The following RBM41 variants were observed in gnomAD, a reference collection of about 807,000 sequenced individuals.
RBM41 encodes the protein RNA-binding protein 41.
RBM41 carries 14 observed loss-of-function variants against 30.8 expected under a neutral mutation model. The ratio of observed to expected loss-of-function variants is 0.45; its 90% confidence interval spans 0.30 to 0.71. RBM41 has a LOEUF of 0.71. Among genes scored for constraint, RBM41 ranks in the 30% least tolerant of loss-of-function variants. The pLI is 0.08. For missense variants in RBM41, 276 were observed against 326.3 expected (o/e 0.85, Z 1.19); for synonymous variants, 120 against 110.1 (o/e 1.09, Z -0.56).
rs747725710 is a variant in RBM41 at position 107,067,562 on chromosome X, C to T, written c.1279G>A (p.Ala427Thr). 4.1e-6 allele frequency: 5 copies of T among 1,210,072 alleles called. No individual in the cohort carries two copies. The highest frequency in any genetic ancestry group is 5.6e-6 in the Non-Finnish European group (5 of 894,534). The stretch of plus-strand genomic sequence containing the variant: ...CTAATTTCTGTAGTGCTACCTGTAG[C>T]ACATGATATGAGAGAAGTCGCTTGG... The part of the protein sequence containing the change: ...NLQATSLISC[A>T]TGSTTEISGS The change falls in exon 8 of 8, where the codon GCT (alanine) becomes ACT (threonine). Residue 427 changes from alanine (A) to threonine (T), a missense_variant. Physicochemically the swap from Ala to Thr is moderately conservative, Grantham distance 58. Transcript: ENST00000685964.
At chrX:107,083,141 GTCTT>G (rs1266052642) in intron 6 of RBM41, among the ~76,000 whole-genome samples, 9 of 103,213 alleles carry the variant, frequency 8.7e-5, no homozygotes, top group Admixed American at 5.3e-4. Flanking sequence ...GTCTGAGAAA[GTCTT>G]TATTATTTTT....
intron 5 of RBM41, among the ~76,000 whole-genome samples, chrX:107,104,116 C>T (rs1306121007): frequency 9.1e-6 from 1 of 109,654 alleles, no homozygotes; most frequent in Non-Finnish European, 1.9e-5. Flanking sequence ...GGTTGTTAAA[C>T]ATTTACCAGT....
At chrX:107,075,417 T>A (rs1157451458) in intron 6 of RBM41, among the ~76,000 whole-genome samples, 1 of 111,551 alleles carries the variant, frequency 9.0e-6, no homozygotes, top group African/African-American at 3.3e-5. Flanking sequence ...TGGGACTGCA[T>A]CAAACTAAAA....
Position 107,064,900 on chromosome X carries a change from T to C in RBM41, c.*2627A>G, listed in dbSNP as rs982922618. ...TTCCAACTCTTTTTATGGACTTATC[T>C]GTTTCTCCTTTCCTTTCAGTTTTTG... On this transcript the variant is annotated 3_prime_UTR_variant, in exon 8 of 8. Transcript: ENST00000685964. The C allele has an allele frequency of 2.7e-5, 3 of 111,862 alleles. No homozygotes were observed. Among genetic ancestry groups the C allele is most frequent in the African/African-American group, 9.7e-5 (3 of 30,806 alleles). The allele number at this position is 111,862 out of a possible 1,213,427, so 9.2% of individuals were successfully genotyped here.
Position 107,088,715 on chromosome X carries a change from G to A in RBM41, c.720C>T (p.His240=). 8.3e-7 allele frequency: 1 copy of A among 1,211,612 alleles called. No individual in the cohort carries two copies. Among genetic ancestry groups the A allele is most frequent in the Non-Finnish European group, 1.1e-6 (1 of 895,498 alleles). ...QLMRGEPFAS[H]SLVSATSVGD... ...CCACTGATGTAGCTGAGACCAGTGA[G>A]TGGGAAGCAAAGGGTTCACCTCTCA... The change falls in exon 6 of 8, where the codon CAC becomes CAT. Residue 240 remains histidine (H), a synonymous_variant. Transcript: ENST00000685964.
Position 107,069,262 on chromosome X carries a change from G to T in RBM41, c.1140C>A (p.Thr380=), listed in dbSNP as rs746086330. The change falls in exon 7 of 8, where the codon ACC becomes ACA. Residue 380 remains threonine, a synonymous_variant. Transcript: ENST00000685964. ...TGRMRGQAFI[T]FPNKEIAWQA... Reference sequence around the variant, plus strand: ...CTGGATGAAACTACTTACTGGGAAAGGTGATAAAAGCCTGGCCCCTCATTC... The same window carrying T: ...CTGGATGAAACTACTTACTGGGAAATGTGATAAAAGCCTGGCCCCTCATTC... The T allele has an allele frequency of 5.0e-6, 6 of 1,203,479 alleles. No individual in the cohort carries two copies. The highest frequency in any genetic ancestry group is 6.7e-6 in the Non-Finnish European group (6 of 891,745).
chrX:107,053,293 T>C, the RBM41 span, among the ~76,000 whole-genome samples: 1 of 113,441 alleles, frequency 8.8e-6, no homozygotes, highest in Non-Finnish European at 1.9e-5. Context: ...TGAAGAGCCA[T>C]TCAAACAATG....
chrX:107,095,575 G>A (rs1285712169), intron 5 of RBM41, among the ~76,000 whole-genome samples: 1 of 106,580 alleles, frequency 9.4e-6, no homozygotes, highest in Admixed American at 1.0e-4. Flanking sequence ...CAGCCTGGGT[G>A]ACCAAGCAAG....
intron 4 of RBM41, chrX:107,114,177 G>A (rs1924714687): frequency 9.0e-6 from 1 of 111,181 alleles, no homozygotes; most frequent in Admixed American, 9.5e-5. Flanking sequence ...AGTTTTATTA[G>A]TTCTTCCATT....
intron 5 of RBM41, among the ~76,000 whole-genome samples, chrX:107,099,130 T>C (rs1484300174): frequency 1.8e-5 from 2 of 111,934 alleles, no homozygotes; most frequent in African/African-American, 6.5e-5. Context: ...AATGATAAAC[T>C]ACAGAATTGG....
chrX:107,112,217 C>T (rs1682042), intron 5 of RBM41, among the ~76,000 whole-genome samples: 5,983 of 111,188 alleles, frequency 0.054, 402 homozygotes, highest in African/African-American at 0.19. Flanking sequence ...AATTATAAAA[C>T]AGCAAAAGAT....
chrX:107,103,759 C>T (rs1380183726), intron 5 of RBM41, among the ~76,000 whole-genome samples: 1 of 111,455 alleles, frequency 9.0e-6, no homozygotes, highest in Non-Finnish European at 1.9e-5. Context: ...CTGTACAATT[C>T]CAGTTATATG....
intron 5 of RBM41, among the ~76,000 whole-genome samples, chrX:107,089,604 T>A (rs1201601071): frequency 8.9e-6 from 1 of 112,307 alleles, no homozygotes; most frequent in Non-Finnish European, 1.9e-5. Context: ...AACTATTACA[T>A]CATTTTAGAA....
intron 4 of RBM41, chrX:107,115,016 C>T: frequency 5.0e-6 from 1 of 199,097 alleles, no homozygotes; most frequent in Admixed American, 6.9e-5. Context: ...TATTTACTAC[C>T]TTTAATCTCC....
chrX:107,103,426 A>C, intron 5 of RBM41, among the ~76,000 whole-genome samples: 1 of 12,587 alleles, frequency 7.9e-5, no homozygotes, highest in Non-Finnish European at 1.3e-4. Context: ...GGGAACACCA[A>C]GAATTGCTGG....
chrX:107,084,375 T>C (rs951892053), intron 6 of RBM41, among the ~76,000 whole-genome samples: 2 of 111,152 alleles, frequency 1.8e-5, no homozygotes, highest in Non-Finnish European at 3.8e-5. Context: ...TTTTCTCTCT[T>C]AGATGAGACA....
At position 107,116,694 on chromosome X, in the gene RBM41, T is replaced by C; in HGVS notation, c.81A>G (p.Lys27=). The change falls in exon 2 of 8, where the codon AAA becomes AAG. Residue 27 remains lysine, a synonymous_variant. Coordinates refer to ENST00000685964, the MANE Select transcript of RBM41 (RefSeq NM_001324242.2). ...ELETEGERQL[K]SLLQHQLDTS... is the part of the protein sequence containing the mutation. ...TATCAAGTTGATGCTGAAGGAGGCT[T>C]TTCAGCTGCCTCTCCCCTTCTGTTT... 8.3e-7 allele frequency: 1 copy of C among 1,210,743 alleles called. No individual in the cohort carries two copies. The highest frequency in any genetic ancestry group is 1.1e-6 in the Non-Finnish European group (1 of 895,401).
At chrX:107,080,567 G>A (rs756939858) in intron 6 of RBM41, among the ~76,000 whole-genome samples, 3 of 106,748 alleles carry the variant, frequency 2.8e-5, no homozygotes, top group African/African-American at 1.1e-4. Context: ...GACAGAGAGC[G>A]AGACTCTGCC....
At position 107,065,633 on chromosome X, in the gene RBM41, T is replaced by C. The variant is rs551600865; in HGVS notation, c.*1894A>G. The C allele has an allele frequency of 9.5e-4, 611 of 643,623 alleles. 6 individuals are homozygous for C. The South Asian group carries it at 0.026, about 27-fold the overall frequency. 53.0% of individuals were successfully genotyped at this position (643,623 alleles called of 1,213,427 possible). A position where few individuals can be genotyped will look rare whatever the true frequency, so the allele number is the denominator to read the frequency against. ...TGAGAGAAGAGTAAGTATATGTTTA[T>C]AGTTTTTTTATATTAAACTTATTTC... On this transcript the variant is annotated 3_prime_UTR_variant, in exon 8 of 8. Coordinates refer to ENST00000685964, the MANE Select transcript of RBM41 (RefSeq NM_001324242.2).
Sources: gnomAD v4.1 joint callset for allele counts (sites outside exome capture counted in the v4.1 genomes callset) on GRCh38, gnomAD v4.1.1 for gene constraint, MANE v1.5 for transcripts, NCBI Gene and HGNC (gene_info 2026-07-23, HGNC 2026-07-21) for gene names.